STAB2: variants seen among roughly 807,000 people sequenced by gnomAD.
STAB2 encodes stabilin 2, also known as stabilin-2.
Under a neutral mutation model 338.1 loss-of-function variants are expected in STAB2, and 288 were observed. That is an observed-to-expected ratio of 0.85 (90% confidence interval 0.77 to 0.94). The LOEUF (loss-of-function observed/expected upper bound fraction) is 0.94. STAB2 is among the 40% of genes least tolerant of loss of function. STAB2 has a pLI of 0.00. For missense variants in STAB2, 3,141 were observed against 3,210.1 expected (o/e 0.98, Z 0.52); for synonymous variants, 1,202 against 1,193.3 (o/e 1.01, Z -0.15).
At chr12:103,697,877 G>T (rs1341359665) in intron 33 of STAB2, among the ~76,000 whole-genome samples, 1 of 152,194 alleles carries the variant, frequency 6.6e-6, no homozygotes, top group Non-Finnish European at 1.5e-5. Flanking sequence ...CTGAGAAGGG[G>T]TCACTATTCA....
intron 38 of STAB2, among the ~76,000 whole-genome samples, chr12:103,707,850 T>A (rs1168667459): frequency 6.6e-6 from 1 of 152,244 alleles, no homozygotes; most frequent in Admixed American, 6.5e-5. Flanking sequence ...AGTGTTGATT[T>A]TTTCCCATGT....
chr12:103,649,312 TC>T (rs919885106), intron 10 of STAB2, among the ~76,000 whole-genome samples: 9 of 151,844 alleles, frequency 5.9e-5, no homozygotes, highest in African/African-American at 2.2e-4. Flanking sequence ...GCACCCTTGG[TC>T]CCCCAGTCAC....
intron 31 of STAB2, among the ~76,000 whole-genome samples, chr12:103,693,214 G>C (rs551160996): frequency 6.1e-4 from 93 of 152,192 alleles, no homozygotes; most frequent in Non-Finnish European, 1.1e-3. Context: ...AGCATTTTGG[G>C]AGTCTGAGGT....
At chr12:103,700,110 T>C (rs1241484383) in intron 34 of STAB2, among the ~76,000 whole-genome samples, 1 of 152,252 alleles carries the variant, frequency 6.6e-6, no homozygotes, top group African/African-American at 2.4e-5. Context: ...TCTCACATGA[T>C]ACCTAAATAT....
intron 12 of STAB2, among the ~76,000 whole-genome samples, chr12:103,653,132 A>T (rs933737355): frequency 6.6e-6 from 1 of 151,886 alleles, no homozygotes; most frequent in East Asian, 1.9e-4. Context: ...CTCTCTCCCA[A>T]TGCCATTAGT....
At chr12:103,638,682 G>A (rs868861874) in intron 8 of STAB2, among the ~76,000 whole-genome samples, 116 of 152,254 alleles carry the variant, frequency 7.6e-4, no homozygotes, top group African/African-American at 2.6e-3. Context: ...AATATTCTGG[G>A]GAGAGACACT....
intron 18 of STAB2, 33 bp from the exon 19 acceptor site, chr12:103,666,258 A>C: frequency 6.2e-7 from 1 of 1,609,938 alleles, no homozygotes; most frequent in South Asian, 1.1e-5. Flanking sequence ...TCTCATAGGG[A>C]CACCTGCACT....
chr12:103,644,736 A>G (rs191823752), intron 9 of STAB2, among the ~76,000 whole-genome samples: 4 of 152,316 alleles, frequency 2.6e-5, no homozygotes, highest in African/African-American at 9.6e-5. Flanking sequence ...AAGACCTAGC[A>G]TTTGATAACA....
chr12:103,742,362 G>A (rs1566066277), intron 55 of STAB2, 43 bp from the exon 56 acceptor site: 3 of 1,606,954 alleles, frequency 1.9e-6, no homozygotes, highest in Non-Finnish European at 2.6e-6. Flanking sequence ...AGCTGCTCTG[G>A]CTTTGGGAGA....
intron 66 of STAB2, 53 bp downstream of exon 66, chr12:103,761,463 C>T: frequency 1.3e-6 from 2 of 1,486,356 alleles, no homozygotes; most frequent in Non-Finnish European, 1.9e-6. Flanking sequence ...GGTGCCCACT[C>T]ACCAACAGGC....
intron 3 of STAB2, among the ~76,000 whole-genome samples, chr12:103,606,379 A>G (rs1957027618): frequency 6.6e-6 from 1 of 152,188 alleles, no homozygotes; most frequent in African/African-American, 2.4e-5. Flanking sequence ...CCATACTTTA[A>G]ATGATTTAAA....
At chr12:103,712,763 A>G (rs986227848) in intron 41 of STAB2, among the ~76,000 whole-genome samples, 7 of 152,214 alleles carry the variant, frequency 4.6e-5, no homozygotes, top group Admixed American at 2.6e-4. Flanking sequence ...TACCCTAGAA[A>G]TATGTCCAAT....
Position 103,677,476 on chromosome 12 carries a change from G to A in STAB2, c.2670G>A (p.Thr890=), listed in dbSNP as rs145758902. ...SRNAECIKTG[T]GTHTCVCQQG... is the part of the protein sequence containing the mutation. Reference sequence around the variant, plus strand: ...AGGCAGAATGCATCAAAACTGGCACGGGCACCCACACCTGCGTGTGTCAGC... The same window carrying A: ...AGGCAGAATGCATCAAAACTGGCACAGGCACCCACACCTGCGTGTGTCAGC... The change falls in exon 25 of 69, where the codon ACG becomes ACA. Residue 890 remains threonine (T), a synonymous_variant. Transcript: ENST00000388887. 1.0e-4 allele frequency: 167 copies of A among 1,612,460 alleles called. No homozygotes were observed. The African/African-American group carries it at 1.3e-3, about 13-fold the overall frequency.
intron 29 of STAB2, among the ~76,000 whole-genome samples, chr12:103,690,183 A>C (rs1279536465): frequency 6.6e-6 from 1 of 152,228 alleles, no homozygotes; most frequent in Non-Finnish European, 1.5e-5. Context: ...TCTTTTACAT[A>C]TAACCCAGTT....
intron 3 of STAB2, among the ~76,000 whole-genome samples, chr12:103,595,982 C>G (rs1411561485): frequency 6.6e-6 from 1 of 152,200 alleles, no homozygotes; most frequent in Non-Finnish European, 1.5e-5. Context: ...TCAAGAGATC[C>G]TGCCGCTTCT....
At chr12:103,740,975 G>A (rs1882538940) in intron 55 of STAB2, among the ~76,000 whole-genome samples, 1 of 152,120 alleles carries the variant, frequency 6.6e-6, no homozygotes, top group Non-Finnish European at 1.5e-5. Context: ...TTGTAATTGT[G>A]TGTCTGCTTT....
intron 47 of STAB2, 115 bp from the exon 48 acceptor site, chr12:103,728,734 G>C: frequency 7.5e-7 from 1 of 1,337,722 alleles, no homozygotes. Context: ...TTACTTCCCA[G>C]AGTCTGGGTG....
intron 10 of STAB2, 42 bp from the exon 11 acceptor site, chr12:103,650,454 T>C (rs374387342): frequency 3.2e-6 from 5 of 1,576,794 alleles, no homozygotes; most frequent in Non-Finnish European, 4.4e-6. Flanking sequence ...TACCACTGAC[T>C]CATTTGGCGT....
At chr12:103,690,289 C>CA (rs1877811775) in intron 29 of STAB2, 135 bp from the exon 30 acceptor site, 2 of 808,346 alleles carry the variant, frequency 2.5e-6, no homozygotes, top group Admixed American at 6.1e-5. Context: ...TAACTCTAGC[C>CA]AAGGCTGGTA....
Sources: gnomAD v4.1 joint callset for allele counts (sites outside exome capture counted in the v4.1 genomes callset) on GRCh38, gnomAD v4.1.1 for gene constraint, MANE v1.5 for transcripts, NCBI Gene and HGNC (gene_info 2026-07-23, HGNC 2026-07-21) for gene names.